The following PTPRD variants were observed in gnomAD, a reference collection of about 807,000 sequenced individuals.
PTPRD encodes receptor-type tyrosine-protein phosphatase delta.
Under a neutral mutation model 214.5 loss-of-function variants are expected in PTPRD, and 34 were observed. The ratio of observed to expected loss-of-function variants is 0.16; its 90% CI spans 0.12 to 0.21. The LOEUF is 0.21. Among genes scored for constraint, PTPRD ranks in the 10% least tolerant of loss-of-function variants. PTPRD has a pLI of 1.00. For synonymous variants in PTPRD, 1,128 were observed against 845.7 expected (o/e 1.33, Z -5.79); for missense variants, 2,545 against 2,398.7 (o/e 1.06, Z -1.27).
intron 36 of PTPRD, among the ~76,000 whole-genome samples, chr9:8,395,005 G>A (rs1029612775): frequency 3.9e-5 from 6 of 152,014 alleles, no homozygotes; most frequent in Non-Finnish European, 7.4e-5. Flanking sequence ...CAGTGGATGC[G>A]GCTGCACTAC....
chr9:9,785,274 T>C (rs1019946479), intron 5 of PTPRD, among the ~76,000 whole-genome samples: 2 of 151,996 alleles, frequency 1.3e-5, no homozygotes, highest in Non-Finnish European at 2.9e-5. Context: ...GATACCAAAA[T>C]TACTGGGTGA....
At chr9:9,681,254 G>A (rs1319017526) in intron 7 of PTPRD, among the ~76,000 whole-genome samples, 1 of 151,644 alleles carries the variant, frequency 6.6e-6, no homozygotes, top group African/African-American at 2.4e-5. Context: ...AGTGTAGGGT[G>A]CGGAGCCCTG....
At chr9:10,355,212 T>C (rs1341462769) in intron 2 of PTPRD, among the ~76,000 whole-genome samples, 2 of 152,152 alleles carry the variant, frequency 1.3e-5, no homozygotes, top group Non-Finnish European at 2.9e-5. Flanking sequence ...TGAGGCAAAA[T>C]ATGTATCTTG....
intron 11 of PTPRD, among the ~76,000 whole-genome samples, chr9:8,774,527 C>CTTTTTTTTTTTTTTTTTTTTTTTTTTTT (rs564318443): frequency 1.9e-5 from 2 of 105,226 alleles, no homozygotes; most frequent in South Asian, 3.4e-4. Context: ...TGAAAAGTAA[C>CTTTTTTTTTTTTTTTTTTTTTTTTTTTT]TTTTTTTTTT....
intron 2 of PTPRD, among the ~76,000 whole-genome samples, chr9:10,573,329 A>G (rs1375304400): frequency 6.6e-6 from 1 of 152,210 alleles, no homozygotes; most frequent in East Asian, 1.9e-4. Context: ...CATGAATACA[A>G]GTTCCCAAAT....
rs749684432 is a variant in PTPRD, at chr9:8,500,735, C to A, written c.2128+19G>T. On this transcript the variant is annotated intron_variant, in intron 24 of 45. Transcript: ENST00000381196. ...ACTGTGTCAGAAGGGTGCAAACTGACGTAGCGGAGGCAACATACCATCTTC... is the reference window on the plus strand; with the variant it reads ...ACTGTGTCAGAAGGGTGCAAACTGAAGTAGCGGAGGCAACATACCATCTTC... The A allele has an allele frequency of 4.3e-6, 7 of 1,611,842 alleles. No individual in the cohort carries two copies. Among genetic ancestry groups the A allele is most frequent in the Non-Finnish European group, 5.9e-6 (7 of 1,178,656 alleles).
intron 4 of PTPRD, among the ~76,000 whole-genome samples, chr9:9,963,631 G>A (rs975771567): frequency 1.3e-5 from 2 of 152,126 alleles, no homozygotes; most frequent in East Asian, 1.9e-4. Context: ...ACAAAATTTG[G>A]GTAGGTAGAG....
intron 3 of PTPRD, among the ~76,000 whole-genome samples, chr9:10,082,811 CT>C (rs1289357993): frequency 4.8e-5 from 5 of 103,304 alleles, no homozygotes; most frequent in South Asian, 3.3e-4. Context: ...TCTACTCCTC[CT>C]ACACACACAC....
At chr9:8,476,450 C>T (rs1591507162) in intron 30 of PTPRD, among the ~76,000 whole-genome samples, 1 of 152,248 alleles carries the variant, frequency 6.6e-6, no homozygotes, top group East Asian at 1.9e-4. Flanking sequence ...GGTTGGAGAT[C>T]TCTGACAGTC....
At chr9:9,554,606 G>A (rs1429842080) in intron 8 of PTPRD, among the ~76,000 whole-genome samples, 2 of 151,930 alleles carry the variant, frequency 1.3e-5, no homozygotes, top group African/African-American at 2.4e-5. Context: ...GATATTGGTC[G>A]TTGTTTGGCA....
At chr9:10,316,159 ATAT>A (rs2096419309) in intron 3 of PTPRD, among the ~76,000 whole-genome samples, 1 of 132,300 alleles carries the variant, frequency 7.6e-6, no homozygotes, top group Non-Finnish European at 1.6e-5. Context: ...GTATATATGT[ATAT>A]CTATGTATAT....
chr9:8,773,685 T>C (rs1402867588), intron 11 of PTPRD, among the ~76,000 whole-genome samples: 1 of 152,252 alleles, frequency 6.6e-6, no homozygotes, highest in Non-Finnish European at 1.5e-5. Context: ...TTCCAAGCTC[T>C]TTACATTGAT....
At chr9:8,708,305 A>C (rs1246997397) in intron 12 of PTPRD, among the ~76,000 whole-genome samples, 1 of 152,164 alleles carries the variant, frequency 6.6e-6, no homozygotes, top group African/African-American at 2.4e-5. Context: ...AAGGGAACCC[A>C]TACACGCTAC....
At chr9:10,081,643 C>T (rs1590621172) in intron 3 of PTPRD, among the ~76,000 whole-genome samples, 1 of 152,150 alleles carries the variant, frequency 6.6e-6, no homozygotes, top group African/African-American at 2.4e-5. Context: ...AAAGAAATTT[C>T]TGTTGTTTAT....
chr9:10,233,592 G>T (rs2154358027), intron 3 of PTPRD, among the ~76,000 whole-genome samples: 1 of 151,912 alleles, frequency 6.6e-6, no homozygotes, highest in East Asian at 2.0e-4. Flanking sequence ...GAAATGAACA[G>T]ATTTTTTTCA....
At chr9:9,848,691 A>G (rs189834315) in intron 5 of PTPRD, among the ~76,000 whole-genome samples, 1 of 152,220 alleles carries the variant, frequency 6.6e-6, no homozygotes, top group South Asian at 2.1e-4. Context: ...TATCACACAA[A>G]ATAGATAAAT....
intron 44 of PTPRD, among the ~76,000 whole-genome samples, chr9:8,320,693 G>C (rs148830749): frequency 5.9e-5 from 9 of 152,036 alleles, no homozygotes; most frequent in Non-Finnish European, 1.5e-5. Flanking sequence ...TCTGAACTTA[G>C]CTACCATTTT....
intron 2 of PTPRD, among the ~76,000 whole-genome samples, chr9:10,499,340 G>A (rs2042988618): frequency 6.6e-6 from 1 of 151,788 alleles, no homozygotes; most frequent in Non-Finnish European, 1.5e-5. Context: ...AAAAGAGAAA[G>A]TCCTTACTAA....
chr9:10,446,224 T>C (rs2098798032), intron 2 of PTPRD, among the ~76,000 whole-genome samples: 1 of 151,918 alleles, frequency 6.6e-6, no homozygotes, highest in Non-Finnish European at 1.5e-5. Context: ...TTTGACAGCT[T>C]TGACTTAATA....
Sources: gnomAD v4.1 joint callset for allele counts (sites outside exome capture counted in the v4.1 genomes callset) on GRCh38, gnomAD v4.1.1 for gene constraint, MANE v1.5 for transcripts, NCBI Gene and HGNC (gene_info 2026-07-23, HGNC 2026-07-21) for gene names.